NRXN3: variants seen among roughly 807,000 people sequenced by gnomAD.
NRXN3 encodes neurexin III.
NRXN3 carries 32 observed loss-of-function variants against 137.6 expected under a neutral mutation model. The ratio of observed to expected loss-of-function variants is 0.23; its 90% CI spans 0.18 to 0.31. The LOEUF (loss-of-function observed/expected upper bound fraction) is 0.31. NRXN3 is among the 10% of genes least tolerant of loss of function. The pLI, the probability that NRXN3 is intolerant of heterozygous loss-of-function variation, is 1.00. For missense variants in NRXN3, 1,574 were observed against 2,062.5 expected (o/e 0.76, Z 4.59); for synonymous variants, 798 against 784.5 (o/e 1.02, Z -0.29).
At chr14:78,563,668 T>C (rs569750849) in intron 4 of NRXN3, among the ~76,000 whole-genome samples, 2 of 152,360 alleles carry the variant, frequency 1.3e-5, no homozygotes, top group East Asian at 3.9e-4. Context: ...TCCTTTTGTG[T>C]CTAGCCCATC....
intron 16 of NRXN3, among the ~76,000 whole-genome samples, chr14:79,469,689 G>A (rs1445238412): frequency 6.6e-6 from 1 of 152,140 alleles, no homozygotes; most frequent in Non-Finnish European, 1.5e-5. Context: ...ATTAGGAAAT[G>A]ATGTCACCTG....
At position 78,806,415 on chromosome 14, in the gene NRXN3, A is replaced by G. The variant is rs1427070454; in HGVS notation, c.2248+2592A>G. Among the ~76,000 whole-genome samples, 6 of 152,286 alleles carry G rather than the reference A, an allele frequency of 3.9e-5. No individual in the cohort carries two copies. The East Asian group carries it at 7.7e-4, about 20-fold the overall frequency. On this transcript the variant is annotated intron_variant, in intron 9 of 20. Coordinates refer to ENST00000335750, the MANE Select transcript of NRXN3 (RefSeq NM_001330195.2). ...TTTGTGTTTCATTTTTCTCAATTAC[A>G]GAAGAAAATGTATCCAAGTAGAATT...
intron 4 of NRXN3, among the ~76,000 whole-genome samples, chr14:78,537,063 A>C (rs1425390623): frequency 6.6e-6 from 1 of 152,206 alleles, no homozygotes; most frequent in Non-Finnish European, 1.5e-5. Context: ...ACCACCATAA[A>C]CATACATGTG....
At chr14:79,822,905 G>A (rs2242647) in intron 20 of NRXN3, among the ~76,000 whole-genome samples, 46,605 of 152,062 alleles carry the variant, frequency 0.31, 7,830 homozygotes, top group Admixed American at 0.43. Context: ...TCTACTTAAA[G>A]AAAGACAGAA....
At chr14:78,549,272 T>A (rs2096664397) in intron 4 of NRXN3, among the ~76,000 whole-genome samples, 1 of 152,176 alleles carries the variant, frequency 6.6e-6, no homozygotes, top group South Asian at 2.1e-4. Flanking sequence ...AGTAAATGAG[T>A]CTTCGTTTAT....
chr14:78,651,867 A>C (rs1273213505), intron 6 of NRXN3, among the ~76,000 whole-genome samples: 8 of 152,174 alleles, frequency 5.3e-5, no homozygotes, highest in Non-Finnish European at 1.2e-4. Context: ...TGGGAGCTAC[A>C]ATTCAAGATG....
At chr14:78,547,020 T>G (rs2096642240) in intron 4 of NRXN3, among the ~76,000 whole-genome samples, 1 of 152,160 alleles carries the variant, frequency 6.6e-6, no homozygotes, top group Non-Finnish European at 1.5e-5. Flanking sequence ...GCCACTCTTT[T>G]CCCACTGAAT....
intron 10 of NRXN3, among the ~76,000 whole-genome samples, chr14:78,928,788 A>G (rs1055180336): frequency 2.0e-5 from 3 of 152,196 alleles, no homozygotes; most frequent in Admixed American, 6.5e-5. Flanking sequence ...TTATAGTAGC[A>G]TGATTTATAA....
chr14:79,587,630 A>G (rs941927678), intron 16 of NRXN3, among the ~76,000 whole-genome samples: 2 of 152,356 alleles, frequency 1.3e-5, no homozygotes, highest in Admixed American at 6.5e-5. Context: ...AGAAATCTAT[A>G]TGTATAAATA....
At chr14:79,427,668 C>T (rs1470839034) in intron 15 of NRXN3, among the ~76,000 whole-genome samples, 1 of 151,862 alleles carries the variant, frequency 6.6e-6, no homozygotes, top group Non-Finnish European at 1.5e-5. Context: ...CCCATCTCTA[C>T]TAAAAATACA....
intron 15 of NRXN3, among the ~76,000 whole-genome samples, chr14:79,300,000 G>A (rs2084861701): frequency 6.6e-6 from 1 of 152,004 alleles, no homozygotes; most frequent in Admixed American, 6.6e-5. Context: ...TAAAGTTCCT[G>A]CGTTGGAAAA....
chr14:78,416,693 C>T (rs748280567), intron 4 of NRXN3, among the ~76,000 whole-genome samples: 11 of 152,178 alleles, frequency 7.2e-5, no homozygotes, highest in South Asian at 2.1e-4. Context: ...GCTCTAGCAC[C>T]GAATTACACT....
chr14:78,328,879 C>A (rs2080437860), intron 4 of NRXN3, among the ~76,000 whole-genome samples: 1 of 152,138 alleles, frequency 6.6e-6, no homozygotes, highest in African/African-American at 2.4e-5. Flanking sequence ...AAGGTACTAT[C>A]TTACAACTGC....
At chr14:78,566,119 G>T (rs957780555) in intron 4 of NRXN3, among the ~76,000 whole-genome samples, 4 of 152,138 alleles carry the variant, frequency 2.6e-5, no homozygotes, top group African/African-American at 7.2e-5. Flanking sequence ...TGTCCTGAGA[G>T]CCTGTGTTAA....
In NRXN3 at chr14:79,617,930, A is replaced by AAAAAAAAAAAAAAG. The variant is rs1385000688; in HGVS notation, c.3445-45846_3445-45845insAAAAAAAAAAAGAA. On this transcript the variant is annotated intron_variant, in intron 16 of 20. Transcript: ENST00000335750. ...GCTGAATAGCAGCAAAAAAAAAAAA[A>AAAAAAAAAAAAAAG]AACATGCTTATGAAGAGCTGCCTAG... 2.0e-3 allele frequency among the ~76,000 whole-genome samples: 302 copies of AAAAAAAAAAAAAAG among 148,780 alleles called. 10 individuals are homozygous for AAAAAAAAAAAAAAG. The highest frequency in any genetic ancestry group is 7.1e-3 in the African/African-American group (275 of 38,606).
intron 15 of NRXN3, among the ~76,000 whole-genome samples, chr14:79,090,612 T>C (rs1412395726): frequency 6.6e-6 from 1 of 152,122 alleles, no homozygotes; most frequent in Non-Finnish European, 1.5e-5. Context: ...GCTTCATATC[T>C]GGCCCCACCC....
chr14:78,381,315 T>C (rs1695484334), intron 4 of NRXN3, among the ~76,000 whole-genome samples: 1 of 152,158 alleles, frequency 6.6e-6, no homozygotes, highest in Admixed American at 6.5e-5. Context: ...AAACTTTTGC[T>C]TTAAGAGAAT....
chr14:78,582,586 C>T lies in NRXN3; in HGVS notation c.758-62534C>T, dbSNP rs550437398. On this transcript the variant is annotated intron_variant, in intron 4 of 20. Transcript: ENST00000335750. The stretch of plus-strand genomic sequence containing the variant: ...GTTGTTATAAAAACAAACTTGCCCC[C>T]GTCTGTGTTTCAGTCTCACCCTCAC... Among the ~76,000 whole-genome samples the T allele has an allele frequency of 3.3e-5, 5 of 152,274 alleles. No homozygotes were observed. The South Asian group carries it at 1.0e-3, about 32-fold the overall frequency.
At chr14:79,766,007 T>G (rs781112873) in intron 19 of NRXN3, among the ~76,000 whole-genome samples, 3 of 152,252 alleles carry the variant, frequency 2.0e-5, no homozygotes, top group Non-Finnish European at 2.9e-5. Context: ...TTAAACATCA[T>G]ATATAAAATT....
Sources: gnomAD v4.1 joint callset for allele counts (sites outside exome capture counted in the v4.1 genomes callset) on GRCh38, gnomAD v4.1.1 for gene constraint, MANE v1.5 for transcripts, NCBI Gene and HGNC (gene_info 2026-07-23, HGNC 2026-07-21) for gene names.